The following DZIP1 variants were observed in gnomAD, a reference collection of about 807,000 sequenced individuals.
DZIP1 encodes cilium assembly protein DZIP1.
DZIP1 carries 97 observed loss-of-function variants against 107.6 expected under a neutral mutation model. That is an observed-to-expected ratio of 0.90 (90% CI 0.77 to 1.07). The LOEUF is 1.07. DZIP1 is among the 50% of genes least tolerant of loss of function. The pLI is 0.00. For synonymous variants in DZIP1, 390 were observed against 386.4 expected, an observed-to-expected ratio of 1.01 and a Z score of -0.11; for missense variants, 1,035 against 1,063.6, an observed-to-expected ratio of 0.97 and a Z score of 0.37.
chr13:95,607,092 G>A (rs1442766099), intron 13 of DZIP1, among the ~76,000 whole-genome samples: 1 of 152,006 alleles, frequency 6.6e-6, no homozygotes, highest in Admixed American at 6.6e-5. Context: ...CGTCGCCCAG[G>A]GTGGAGTGCA....
rs2139541323 is a variant in DZIP1, at chr13:95,644,484, C to T, written c.-633G>A. ...CTGACGCGGGCCGGGCCCGCGGAGG[C>T]CGAGGAGCAGCAAAGCGGAGAGAGG... On this transcript the variant is annotated 5_prime_UTR_variant, in exon 1 of 23. Coordinates refer to ENST00000376829, the MANE Select transcript of DZIP1 (RefSeq NM_198968.4). 1 of 152,996 alleles carries T rather than the reference C, an allele frequency of 6.5e-6. No individual in the cohort carries two copies. The highest frequency in any genetic ancestry group is 2.1e-4 in the South Asian group (1 of 4,848). 9.5% of individuals were successfully genotyped at this position (152,996 alleles called of 1,614,324 possible). A position where few individuals can be genotyped will look rare whatever the true frequency, so the allele number is the denominator to read the frequency against.
At chr13:95,606,949 T>A (rs769346649) in intron 13 of DZIP1, among the ~76,000 whole-genome samples, 14 of 152,250 alleles carry the variant, frequency 9.2e-5, no homozygotes, top group Non-Finnish European at 1.8e-4. Context: ...CTAAACAGTA[T>A]GGTCTATTAG....
intron 22 of DZIP1, among the ~76,000 whole-genome samples, chr13:95,584,274 CAAAAAA>C (rs761989023): frequency 2.0e-4 from 4 of 20,102 alleles, no homozygotes; most frequent in Admixed American, 1.7e-3. Context: ...TGCGCCTGGC[CAAAAAA>C]AAAAAAAAAA....
intron 12 of DZIP1, among the ~76,000 whole-genome samples, chr13:95,610,556 C>T (rs906482784): frequency 5.9e-5 from 9 of 152,102 alleles, no homozygotes; most frequent in Non-Finnish European, 8.8e-5. Flanking sequence ...GATCTTCCTG[C>T]CTTGGCCTCC....
At chr13:95,582,442 C>T (rs2044033539) in intron 22 of DZIP1, 129 bp from the exon 23 acceptor site, 1 of 770,698 alleles carries the variant, frequency 1.3e-6, no homozygotes. Flanking sequence ...CATGAATCCT[C>T]ATCTCCCAAC....
In DZIP1 at chr13:95,643,141, T is replaced by G. The variant is rs1431035918; in HGVS notation, c.-311A>C. ...CTCAGGCCTCTCATTTCTATGGGTC[T>G]TCTGGGGGCCTCCAGTGGTTACCAC... On this transcript the variant is annotated 5_prime_UTR_variant, in exon 3 of 23. Transcript: ENST00000376829. The G allele has an allele frequency of 6.6e-6, 1 of 152,202 alleles. No individual in the cohort carries two copies. Among genetic ancestry groups the G allele is most frequent in the African/African-American group, 2.4e-5 (1 of 41,444 alleles). 9.4% of individuals were successfully genotyped at this position (152,202 alleles called of 1,614,324 possible). A position where few individuals can be genotyped will look rare whatever the true frequency, so the allele number is the denominator to read the frequency against.
At chr13:95,590,135 A>G (rs958901591) in intron 17 of DZIP1, 144 bp downstream of exon 17, 1 of 1,043,996 alleles carries the variant, frequency 9.6e-7, no homozygotes, top group East Asian at 2.6e-5. Context: ...TACAAACAGT[A>G]AAAGAGTTGC....
At chr13:95,613,354 A>C (rs906620720) in intron 10 of DZIP1, among the ~76,000 whole-genome samples, 8 of 152,094 alleles carry the variant, frequency 5.3e-5, no homozygotes, top group African/African-American at 1.7e-4. Context: ...CTCTAATAAA[A>C]ATACAAAAAT....
intron 13 of DZIP1, 139 bp downstream of exon 13, chr13:95,609,318 A>G (rs1482793222): frequency 2.0e-6 from 1 of 491,312 alleles, no homozygotes; most frequent in South Asian, 7.3e-5. Context: ...CAAAACTAAG[A>G]ATCAAAATAA....
Position 95,581,229 on chromosome 13 carries a change from T to C in DZIP1, c.*1005A>G, listed in dbSNP as rs2044006736. ...AACAGAATATAGTATAACCAAGTTA[T>C]AAAAATGCAAAAAACAGCTTATAAG... On this transcript the variant is annotated 3_prime_UTR_variant, in exon 23 of 23. Transcript: ENST00000376829. The C allele has an allele frequency of 6.6e-6, 1 of 152,582 alleles. No homozygotes were observed. The highest frequency in any genetic ancestry group is 1.5e-5 in the Non-Finnish European group (1 of 68,006). The allele number at this position is 152,582 out of a possible 1,614,324, so 9.5% of individuals were successfully genotyped here.
At chr13:95,609,308 C>T (rs535738009) in intron 13 of DZIP1, 149 bp downstream of exon 13, 22 of 482,278 alleles carry the variant, frequency 4.6e-5, no homozygotes, top group African/African-American at 4.0e-4. Context: ...AGAACTAGGT[C>T]AAAACTAAGA....
Position 95,603,445 on chromosome 13 carries a change from T to C in DZIP1, c.1477+2558A>G, listed in dbSNP as rs535835624. On this transcript the variant is annotated intron_variant, in intron 14 of 22. Transcript: ENST00000376829. Reference sequence around the variant, plus strand: ...ATTAAAGGAGGGCTTTACATGTAGATAGAACCTAGCAGGTGCCCACAGACT... The same window carrying C: ...ATTAAAGGAGGGCTTTACATGTAGACAGAACCTAGCAGGTGCCCACAGACT... Among the ~76,000 whole-genome samples the C allele has an allele frequency of 9.9e-5, 15 of 151,192 alleles. 1 individual carries two copies. Among genetic ancestry groups the C allele is most frequent in the Admixed American group, 5.9e-4 (9 of 15,140 alleles).
intron 10 of DZIP1, among the ~76,000 whole-genome samples, chr13:95,612,750 A>C (rs190725698): frequency 2.0e-5 from 3 of 152,148 alleles, no homozygotes; most frequent in Admixed American, 2.0e-4. Context: ...ATACCTGGCT[A>C]AATTTTGTAT....
At chr13:95,614,847 A>G (rs1212749305) in intron 10 of DZIP1, among the ~76,000 whole-genome samples, 2 of 152,218 alleles carry the variant, frequency 1.3e-5, no homozygotes, top group Non-Finnish European at 2.9e-5. Flanking sequence ...AACAAAAAAA[A>G]TTGCCAAGAA....
rs2045004263 is a variant in DZIP1 at position 95,611,501 on chromosome 13, G to T, written c.1315-8C>A. 1.2e-6 allele frequency: 2 copies of T among 1,604,022 alleles called. No homozygotes were observed. Among genetic ancestry groups the T allele is most frequent in the South Asian group, 2.2e-5 (2 of 90,818 alleles). ...ACAGGTAAAGTCTTTAATCTGCAAAGAAATACAGTCTTCTAGTGATACATT... is the reference window on the plus strand; with the variant it reads ...ACAGGTAAAGTCTTTAATCTGCAAATAAATACAGTCTTCTAGTGATACATT... On this transcript the variant is annotated splice_polypyrimidine_tract_variant and splice_region_variant and intron_variant, in intron 11 of 22. Coordinates refer to ENST00000376829, the MANE Select transcript of DZIP1 (RefSeq NM_198968.4).
At chr13:95,636,500 G>A (rs1005222848) in intron 5 of DZIP1, among the ~76,000 whole-genome samples, 11 of 142,482 alleles carry the variant, frequency 7.7e-5, no homozygotes, top group Non-Finnish European at 1.0e-4. Flanking sequence ...ACAAGATTGC[G>A]CCACTGCACT....
At chr13:95,613,606 G>A (rs993178863) in intron 10 of DZIP1, among the ~76,000 whole-genome samples, 1 of 152,142 alleles carries the variant, frequency 6.6e-6, no homozygotes, top group African/African-American at 2.4e-5. Flanking sequence ...AAAGGAGCAG[G>A]AAGTGTCCGT....
At position 95,626,758 on chromosome 13, in the gene DZIP1, C is replaced by G. The variant is rs143045949; in HGVS notation, c.811-1829G>C. Among the ~76,000 whole-genome samples, 428 of 152,268 alleles carry G rather than the reference C, an allele frequency of 2.8e-3. 1 individual carries two copies. Among genetic ancestry groups the G allele is most frequent in the African/African-American group, 9.8e-3 (407 of 41,560 alleles). ...CAATCCAAGAAAGAAATTAAGAAAA[C>G]AATTCCATTTATAATAGCATCCCAA... On this transcript the variant is annotated intron_variant, in intron 7 of 22. Transcript: ENST00000376829.
At position 95,641,625 on chromosome 13, in the gene DZIP1, C is replaced by A; in HGVS notation, c.267G>T (p.Leu89=). The change falls in exon 5 of 23, where the codon CTG becomes CTT. Residue 89 remains leucine, a synonymous_variant. Transcript: ENST00000376829. This position sits in a 1 kb window ranked among gnomAD's most constrained non-coding sequence, Gnocchi z 4.3. ...AGGTGATGTTCATGATGTTCTCCTG[C>A]AGCGTCAGCACGTCCACAGCCCCCG... ...KVAGAVDVLT[L]QENIMNITFC... 1.2e-6 allele frequency: 2 copies of A among 1,611,570 alleles called. No individual in the cohort carries two copies. The highest frequency in any genetic ancestry group is 1.7e-6 in the Non-Finnish European group (2 of 1,180,036).
Sources: gnomAD v4.1 joint callset for allele counts (sites outside exome capture counted in the v4.1 genomes callset) on GRCh38, gnomAD v4.1.1 for gene constraint, Gnocchi (gnomAD v3.1) non-coding constraint, MANE v1.5 for transcripts, NCBI Gene and HGNC (gene_info 2026-07-23, HGNC 2026-07-21) for gene names.